CYP7B1: variants seen among roughly 807,000 people sequenced by gnomAD.
The protein encoded by CYP7B1 is cytochrome P450 family 7 subfamily B member 1.
CYP7B1 carries 29 observed loss-of-function variants against 42.7 expected under a neutral mutation model. The ratio of observed to expected loss-of-function variants is 0.68; its 90% CI spans 0.51 to 0.93. The LOEUF (loss-of-function observed/expected upper bound fraction) is 0.93. CYP7B1 is among the 40% of genes least tolerant of loss of function. The pLI, the probability that CYP7B1 is intolerant of heterozygous loss-of-function variation, is 0.00. For synonymous variants in CYP7B1, 235 were observed against 218.2 expected (o/e 1.08, Z -0.68); for missense variants, 655 against 600.5 (o/e 1.09, Z -0.95).
rs923352253 is a variant in CYP7B1, at chr8:64,639,435, T to C, written c.123-14896A>G. Among the ~76,000 whole-genome samples, 331 of 152,138 alleles carry C rather than the reference T, an allele frequency of 2.2e-3. 5 individuals are homozygous for C. The highest frequency in any genetic ancestry group is 3.7e-4 in the Non-Finnish European group (25 of 67,958). The stretch of plus-strand genomic sequence containing the variant: ...TATAACTATAGGGAGACAAACAATC[T>C]GATTTAAAAAATGGGCAAGAGGTTT... On this transcript the variant is annotated intron_variant, in intron 1 of 5. Coordinates refer to ENST00000310193, the MANE Select transcript of CYP7B1 (RefSeq NM_004820.5).
chr8:64,754,688 A>G (rs1210553204), intron 1 of CYP7B1, among the ~76,000 whole-genome samples: 3 of 152,154 alleles, frequency 2.0e-5, no homozygotes, highest in Non-Finnish European at 4.4e-5. Flanking sequence ...GATCCTGGGG[A>G]TGGAGGTGCA....
rs764653734 is a variant in CYP7B1 at position 64,616,090 on chromosome 8, C to G, written c.451G>C (p.Asp151His). Reference protein sequence around the residue: ...CYQFLQGKSLDILLESMMQNL... With the variant: ...CYQFLQGKSLHILLESMMQNL... ...TGCATCATGCTTTCCAAGAGTATGTCCAAAGATTTGCCTTGCAAAAATTGA... is the reference window on the plus strand; with the variant it reads ...TGCATCATGCTTTCCAAGAGTATGTGCAAAGATTTGCCTTGCAAAAATTGA... The change falls in exon 3 of 6, where the codon GAC (aspartate) becomes CAC (histidine). Residue 151 changes from aspartate to histidine, a missense_variant. Asp to His is a moderately conservative substitution (Grantham distance 81, BLOSUM62 -1). Transcript: ENST00000310193. 1 of 1,613,538 alleles carries G rather than the reference C, an allele frequency of 6.2e-7. No individual in the cohort carries two copies. Among genetic ancestry groups the G allele is most frequent in the African/African-American group, 1.3e-5 (1 of 74,858 alleles).
chr8:64,775,750 G>A lies in CYP7B1; in HGVS notation c.122+22716C>T, dbSNP rs1804313996. 2.6e-5 allele frequency among the ~76,000 whole-genome samples: 4 copies of A among 152,128 alleles called. No homozygotes were observed. The South Asian group carries it at 8.3e-4, about 32-fold the overall frequency. On this transcript the variant is annotated intron_variant, in intron 1 of 5. Coordinates refer to ENST00000310193, the MANE Select transcript of CYP7B1 (RefSeq NM_004820.5). ...GAGCTGGGAAAATTCCACAGAGGTA[G>A]AGCATTTATGCTGAAAAGAAGGGTA...
At position 64,798,472 on chromosome 8, in the gene CYP7B1, C is replaced by A; in HGVS notation, c.116G>T (p.Arg39Leu). The change falls in exon 1 of 6, where the codon CGC becomes CTC. Residue 39 changes from arginine (R) to leucine (L), a missense_variant. Arg to Leu is a moderately radical substitution (Grantham distance 102). Transcript: ENST00000310193. ...TGGCGGCCGAGGCGCTTACCTGGTG[C>A]GCCGGACAAGCAAGCAGAGGGCCAG... ...LLLALCLLVR[R>L]TRRPGEPPLI... 1 of 1,511,834 alleles carries A rather than the reference C, an allele frequency of 6.6e-7. No individual in the cohort carries two copies. The highest frequency in any genetic ancestry group is 1.2e-5 in the South Asian group (1 of 81,586). The allele number at this position is 1,511,834 out of a possible 1,614,324, so 93.7% of individuals were successfully genotyped here.
intron 1 of CYP7B1, among the ~76,000 whole-genome samples, chr8:64,669,921 T>C (rs1469675345): frequency 1.3e-5 from 2 of 152,236 alleles, no homozygotes; most frequent in Non-Finnish European, 2.9e-5. Flanking sequence ...TTGCAAACTG[T>C]ACTCTAAGCC....
chr8:64,753,052 G>A (rs1260547796), intron 1 of CYP7B1, among the ~76,000 whole-genome samples: 3 of 152,140 alleles, frequency 2.0e-5, no homozygotes, highest in Non-Finnish European at 2.9e-5. Context: ...GGTCAAATAT[G>A]AAGATTTTCC....
intron 1 of CYP7B1, among the ~76,000 whole-genome samples, chr8:64,713,615 G>A (rs1426582934): frequency 1.3e-5 from 2 of 152,098 alleles, no homozygotes; most frequent in Non-Finnish European, 2.9e-5. Flanking sequence ...ATTAGATACT[G>A]TAGAAGAAGA....
rs1410285328 is a variant in CYP7B1 at position 64,592,056 on chromosome 8, T to C, written c.*4586A>G. Among the ~76,000 whole-genome samples, 3 of 151,704 alleles carry C rather than the reference T, an allele frequency of 2.0e-5. No homozygotes were observed. Among genetic ancestry groups the C allele is most frequent in the African/African-American group, 7.3e-5 (3 of 41,232 alleles). On this transcript the variant is annotated 3_prime_UTR_variant, in exon 6 of 6. Transcript: ENST00000310193. Reference sequence around the variant, plus strand: ...TACAAAAGTTGGTCAGGCATAGTGGTGGGTGCCTGTAGTCCCAGCTACTCG... The same window carrying C: ...TACAAAAGTTGGTCAGGCATAGTGGCGGGTGCCTGTAGTCCCAGCTACTCG...
At chr8:64,725,424 G>C (rs1189097093) in intron 1 of CYP7B1, among the ~76,000 whole-genome samples, 2 of 152,208 alleles carry the variant, frequency 1.3e-5, no homozygotes, top group African/African-American at 4.8e-5. Flanking sequence ...GTTAGGTAAT[G>C]TTAAAGTCAG....
At chr8:64,746,080 G>T (rs1011433919) in intron 1 of CYP7B1, among the ~76,000 whole-genome samples, 1 of 151,774 alleles carries the variant, frequency 6.6e-6, no homozygotes, top group African/African-American at 2.4e-5. Context: ...AAACTCTCTA[G>T]CTGGATCTAA....
At chr8:64,752,072 G>A (rs1807734066) in intron 1 of CYP7B1, among the ~76,000 whole-genome samples, 1 of 151,840 alleles carries the variant, frequency 6.6e-6, no homozygotes, top group African/African-American at 2.4e-5. Context: ...CACTTTCCAG[G>A]GATGTACTGT....
rs577701253 is a variant in CYP7B1 at position 64,733,544 on chromosome 8, C to A, written c.122+64922G>T. The stretch of plus-strand genomic sequence containing the variant: ...AATCAGTTCCACATGCACAGGACAG[C>A]TCTTCTCTACCATACGCTAGTACTG... On this transcript the variant is annotated intron_variant, in intron 1 of 5. Coordinates refer to ENST00000310193, the MANE Select transcript of CYP7B1 (RefSeq NM_004820.5). 1.1e-4 allele frequency among the ~76,000 whole-genome samples: 16 copies of A among 152,288 alleles called. No individual in the cohort carries two copies. In the South Asian group the frequency reaches 1.7e-3, roughly 16 times the overall value.
At chr8:64,686,070 A>ATG (rs1806633672) in intron 1 of CYP7B1, among the ~76,000 whole-genome samples, 1 of 68,144 alleles carries the variant, frequency 1.5e-5, no homozygotes, top group Admixed American at 1.5e-4. Flanking sequence ...CAGCCCCCCC[A>ATG]CCCGGCCAGC....
At chr8:64,730,626 A>G (rs1807394372) in intron 1 of CYP7B1, among the ~76,000 whole-genome samples, 1 of 152,162 alleles carries the variant, frequency 6.6e-6, no homozygotes, top group South Asian at 2.1e-4. Context: ...ATGTTATGCA[A>G]TTACTCAGTT....
intron 1 of CYP7B1, among the ~76,000 whole-genome samples, chr8:64,657,150 AG>A (rs1806132889): frequency 6.6e-6 from 1 of 152,188 alleles, no homozygotes; most frequent in African/African-American, 2.4e-5. Flanking sequence ...TAGTGACAGA[AG>A]GAAGCAGATA....
chr8:64,732,672 G>A (rs940940429), intron 1 of CYP7B1, among the ~76,000 whole-genome samples: 4 of 152,134 alleles, frequency 2.6e-5, no homozygotes, highest in African/African-American at 9.7e-5. Flanking sequence ...ATATGGTCTG[G>A]CTCTGTGTCC....
At chr8:64,601,244 A>C (rs1805198536) in intron 5 of CYP7B1, among the ~76,000 whole-genome samples, 1 of 152,216 alleles carries the variant, frequency 6.6e-6, no homozygotes, top group Non-Finnish European at 1.5e-5. Flanking sequence ...CATTAGATTA[A>C]ACAAACAAGA....
At chr8:64,696,344 T>C (rs940639010) in intron 1 of CYP7B1, among the ~76,000 whole-genome samples, 1 of 152,224 alleles carries the variant, frequency 6.6e-6, no homozygotes, top group Non-Finnish European at 1.5e-5. Context: ...TTAGCCTTTA[T>C]AATGAAACTA....
At position 64,765,121 on chromosome 8, in the gene CYP7B1, GA is replaced by G. The variant is rs34866717; in HGVS notation, c.122+33344del. Among the ~76,000 whole-genome samples, 890 of 143,822 alleles carry G rather than the reference GA, an allele frequency of 6.2e-3. 4 individuals are homozygous for G. The highest frequency in any genetic ancestry group is 9.8e-3 in the Admixed American group (142 of 14,492). The allele number at this position is 143,822 out of a possible 152,430, so 94.4% of individuals were successfully genotyped here. A position where few individuals can be genotyped will look rare whatever the true frequency, so the allele number is the denominator to read the frequency against. On this transcript the variant is annotated intron_variant, in intron 1 of 5. Transcript: ENST00000310193. ...CCAAGACTTAAAGTATTTGCAGGAT[GA>G]AAAAAAAAAAATCTATACCAATTCT... is the stretch of plus-strand genomic sequence containing the variant.
Sources: allele counts gnomAD v4.1 joint callset (sites outside exome capture counted in the v4.1 genomes callset), GRCh38; gene constraint gnomAD v4.1.1; transcripts MANE v1.5; gene names NCBI Gene and HGNC (gene_info 2026-07-23, HGNC 2026-07-21).